CHN2: variants seen among roughly 807,000 people sequenced by gnomAD.
The protein encoded by CHN2 is beta-chimaerin.
CHN2 carries 35 observed loss-of-function variants against 56.3 expected under a neutral mutation model. The ratio of observed to expected loss-of-function variants is 0.62; its 90% CI spans 0.47 to 0.82. The LOEUF is 0.82. Ranked by LOEUF, CHN2 falls within the 40% of genes least tolerant of loss-of-function variation. The probability of loss-of-function intolerance (pLI) is 0.00; values close to 1 mark genes in which losing one functional copy is unlikely to be tolerated. For missense variants in CHN2, 491 were observed against 580.5 expected, an observed-to-expected ratio of 0.85 and a Z score of 1.58; for synonymous variants, 210 against 212.8, an observed-to-expected ratio of 0.99 and a Z score of 0.12.
chr7:29,431,074 A>G (rs1317839291), intron 6 of CHN2, among the ~76,000 whole-genome samples: 7 of 152,142 alleles, frequency 4.6e-5, no homozygotes. Flanking sequence ...CCCAAGCCTA[A>G]CCAGTAAGCG....
At chr7:29,393,611 G>C (rs985441070) in intron 3 of CHN2, 68 bp from the exon 4 acceptor site, 2 of 708,646 alleles carry the variant, frequency 2.8e-6, no homozygotes, top group African/African-American at 3.8e-5. Flanking sequence ...CTGTTTATTT[G>C]AATAGCATTT....
At chr7:29,434,708 C>T (rs369617578) in intron 6 of CHN2, among the ~76,000 whole-genome samples, 1 of 152,308 alleles carries the variant, frequency 6.6e-6, no homozygotes, top group African/African-American at 2.4e-5. Flanking sequence ...GTCGCAGGTA[C>T]TGGGGTTGAA....
At position 29,425,136 on chromosome 7, in the gene CHN2, G is replaced by C. The variant is rs564619799; in HGVS notation, c.576+24308G>C. 5.9e-5 allele frequency among the ~76,000 whole-genome samples: 9 copies of C among 152,370 alleles called. No individual in the cohort carries two copies. The South Asian group carries it at 1.4e-3, about 25-fold the overall frequency. Reference sequence around the variant, plus strand: ...GATTGAGAGATCTCACTCGTTCGCTGTCCCTCTAGCAATGATAGGATGAAA... The same window carrying C: ...GATTGAGAGATCTCACTCGTTCGCTCTCCCTCTAGCAATGATAGGATGAAA... On this transcript the variant is annotated intron_variant, in intron 6 of 12. Transcript: ENST00000222792.
intron 6 of CHN2, among the ~76,000 whole-genome samples, chr7:29,438,865 A>C (rs987951330): frequency 6.6e-6 from 1 of 152,234 alleles, no homozygotes. Flanking sequence ...TGTACATTGT[A>C]GAAACAATTG....
chr7:29,479,566 C>T (rs567660767), intron 6 of CHN2: 3 of 674,756 alleles, frequency 4.4e-6, no homozygotes, highest in African/African-American at 1.9e-5. Flanking sequence ...GAGACATAGG[C>T]TTTACCCCTA....
chr7:29,291,020 C>G (rs1792567551), intron 1 of CHN2, among the ~76,000 whole-genome samples: 1 of 152,132 alleles, frequency 6.6e-6, no homozygotes, highest in Non-Finnish European at 1.5e-5. Flanking sequence ...TTATTCTTCC[C>G]TGGGGGTGGG....
At chr7:29,192,370 C>T (rs1029948200), upstream of CHN2, 6 of 152,158 alleles carry the variant, frequency 3.9e-5, no homozygotes. Context: ...AGTTAAAACA[C>T]TATGAAGGGA....
intron 6 of CHN2, among the ~76,000 whole-genome samples, chr7:29,436,082 C>A (rs1453444024): frequency 6.6e-6 from 1 of 152,088 alleles, no homozygotes; most frequent in Non-Finnish European, 1.5e-5. Flanking sequence ...ATGGCAAGCC[C>A]TGGAGTGACG....
chr7:29,461,743 C>A (rs532687870), intron 6 of CHN2, among the ~76,000 whole-genome samples: 1 of 152,140 alleles, frequency 6.6e-6, no homozygotes, highest in South Asian at 2.1e-4. Context: ...TAATACAGAA[C>A]CTGACACATA....
Position 29,398,472 on chromosome 7 carries a change from C to T in CHN2, c.276C>T (p.Tyr92=). The change falls in exon 5 of 13, where the codon TAC becomes TAT. Residue 92 remains tyrosine, a synonymous_variant. Transcript: ENST00000222792. The part of the protein sequence containing the change: ...LRESQRQPGC[Y]TLALRFGNQT... ...AAAGCCAGCGGCAACCAGGATGCTA[C>T]ACGCTGGCTCTCAGGTGAGGCGCAT... 2.5e-6 allele frequency: 4 copies of T among 1,610,730 alleles called. No homozygotes were observed. The South Asian group carries it at 3.3e-5, about 13-fold the overall frequency.
At chr7:29,336,789 A>T (rs946872265) in intron 1 of CHN2, among the ~76,000 whole-genome samples, 2 of 93,848 alleles carry the variant, frequency 2.1e-5, no homozygotes, top group Non-Finnish European at 4.5e-5. Flanking sequence ...AAAAAAAAAA[A>T]GCTTCACATG....
chr7:29,432,650 C>G (rs560073529), intron 6 of CHN2, among the ~76,000 whole-genome samples: 1 of 152,264 alleles, frequency 6.6e-6, no homozygotes, highest in African/African-American at 2.4e-5. Context: ...TTTCGCTGTA[C>G]CTGGCAGACC....
intron 2 of CHN2, 57 bp from the exon 3 acceptor site, chr7:29,367,875 G>C (rs369496755): frequency 6.1e-6 from 9 of 1,464,146 alleles, no homozygotes; most frequent in South Asian, 1.2e-5. Context: ...ACGTTGATAT[G>C]TGTTGCAGTA....
intron 6 of CHN2, among the ~76,000 whole-genome samples, chr7:29,415,061 TTAA>T (rs968866178): frequency 6.6e-6 from 1 of 152,206 alleles, no homozygotes; most frequent in African/African-American, 2.4e-5. Context: ...CTATTAATAA[TTAA>T]TAATAATTAA....
exon 1 of CHN2, chr7:29,146,664 C>T: frequency 3.2e-6 from 5 of 1,550,610 alleles, no homozygotes; most frequent in South Asian, 1.2e-5. Flanking sequence ...ATCAAGTCAG[C>T]GCTTCCCATG....
chr7:29,301,355 A>G (rs1198787972), intron 1 of CHN2, among the ~76,000 whole-genome samples: 1 of 140,770 alleles, frequency 7.1e-6, no homozygotes. Context: ...ACACACACAC[A>G]CACACACACA....
intron 1 of CHN2, among the ~76,000 whole-genome samples, chr7:29,321,941 CAG>C (rs1207417982): frequency 6.6e-6 from 1 of 152,190 alleles, no homozygotes; most frequent in East Asian, 1.9e-4. Context: ...ATGGATTAGT[CAG>C]AGAGACATTT....
In CHN2 at chr7:29,386,488, TG is replaced by T. The variant is rs571792790; in HGVS notation, c.145-7190del. On this transcript the variant is annotated intron_variant, in intron 3 of 12. Coordinates refer to ENST00000222792, the MANE Select transcript of CHN2 (RefSeq NM_004067.4). Reference sequence around the variant, plus strand: ...AGCTGCGGAGGGATTACAAAAGCTTTGTTCTTTCAATAATTGGAAACCTTGT... The same window carrying T: ...AGCTGCGGAGGGATTACAAAAGCTTTTTCTTTCAATAATTGGAAACCTTGT... Among the ~76,000 whole-genome samples, 195 of 152,322 alleles carry T rather than the reference TG, an allele frequency of 1.3e-3. 1 individual carries two copies. Among genetic ancestry groups the T allele is most frequent in the African/African-American group, 4.3e-3 (180 of 41,572 alleles).
chr7:29,292,918 T>C (rs900005510), intron 1 of CHN2: 17 of 456,210 alleles, frequency 3.7e-5, no homozygotes, highest in Non-Finnish European at 7.0e-5. Context: ...CTCTTGCCTC[T>C]CTTCAGTCTA....
Sources: gnomAD v4.1 joint callset for allele counts (sites outside exome capture counted in the v4.1 genomes callset) on GRCh38, gnomAD v4.1.1 for gene constraint, MANE v1.5 for transcripts, NCBI Gene and HGNC (gene_info 2026-07-23, HGNC 2026-07-21) for gene names.